Variants in UNC80 observed in about 807,000 individuals in gnomAD.
The protein encoded by UNC80 is unc-80 subunit of NALCN channel complex.
In UNC80, 164 loss-of-function variants were observed where a neutral mutation model predicts 384.6. The ratio of observed to expected loss-of-function variants is 0.43; its 90% CI spans 0.38 to 0.49. The LOEUF is 0.49. Among genes scored for constraint, UNC80 ranks in the 20% least tolerant of loss-of-function variants. UNC80 has a pLI of 0.00. For synonymous variants in UNC80, 1,486 were observed against 1,527.8 expected, an observed-to-expected ratio of 0.97 and a Z score of 0.64; for missense variants, 3,330 against 4,143.0, an observed-to-expected ratio of 0.80 and a Z score of 5.39.
chr2:209,887,731 C>T (rs2085955176), intron 25 of UNC80, among the ~76,000 whole-genome samples: 1 of 152,126 alleles, frequency 6.6e-6, no homozygotes, highest in Admixed American at 6.6e-5. Flanking sequence ...CCTTCAGTAC[C>T]TAACACATCC....
chr2:209,899,206 A>C (rs1382727308), intron 28 of UNC80, among the ~76,000 whole-genome samples: 2 of 152,110 alleles, frequency 1.3e-5, no homozygotes, highest in African/African-American at 2.4e-5. Context: ...ATGGTGTATA[A>C]AAAAAATTAT....
chr2:209,861,519 GTTTT>G (rs2083341479), intron 22 of UNC80, among the ~76,000 whole-genome samples: 1 of 152,154 alleles, frequency 6.6e-6, no homozygotes, highest in Non-Finnish European at 1.5e-5. Flanking sequence ...TCTCTTCCAG[GTTTT>G]GGTATCAGGA....
At chr2:209,884,949 G>T (rs2085641994) in intron 25 of UNC80, among the ~76,000 whole-genome samples, 1 of 151,982 alleles carries the variant, frequency 6.6e-6, no homozygotes, top group South Asian at 2.1e-4. Flanking sequence ...ATGCATGCAG[G>T]GCTCAATACT....
rs1315014250 is a variant in UNC80, at chr2:209,813,814, C to T, written c.1173C>T (p.Pro391=). The T allele has an allele frequency of 2.6e-6, 4 of 1,552,064 alleles. No homozygotes were observed. The African/African-American group carries it at 4.1e-5, about 16-fold the overall frequency. ...GTAGCTCCATGGTGGCAGCAGCTCC[C>T]TCACTAGTGAACACCCACAAAACCC... ...PRSSSMVAAA[P]SLVNTHKTQD... The change falls in exon 8 of 65, where the codon CCC becomes CCT. Residue 391 remains proline, a synonymous_variant. Coordinates refer to ENST00000673920, the MANE Select transcript of UNC80 (RefSeq NM_001371986.1).
intron 22 of UNC80, among the ~76,000 whole-genome samples, chr2:209,851,537 C>T (rs2082530155): frequency 6.6e-6 from 1 of 152,070 alleles, no homozygotes; most frequent in Admixed American, 6.6e-5. Context: ...CAGCAAATGT[C>T]TTTTGAGGGA....
At chr2:209,978,452 A>G in intron 58 of UNC80, 77 bp from the exon 59 acceptor site, 1 of 1,256,376 alleles carries the variant, frequency 8.0e-7, no homozygotes, top group Non-Finnish European at 1.1e-6. Flanking sequence ...TAAAAAATAC[A>G]AGTGGTCAGG....
chr2:209,815,144 G>T (rs2079638702), intron 8 of UNC80, 113 bp from the exon 9 acceptor site: 2 of 1,021,056 alleles, frequency 2.0e-6, no homozygotes, highest in Non-Finnish European at 2.7e-6. Context: ...AAGTTCAATT[G>T]TTCAAAGATG....
At chr2:209,782,122 T>C (rs1365154120) in intron 4 of UNC80, among the ~76,000 whole-genome samples, 1 of 152,238 alleles carries the variant, frequency 6.6e-6, no homozygotes, top group African/African-American at 2.4e-5. Flanking sequence ...GTCTCCTGGC[T>C]TGTCTCATAA....
chr2:209,883,140 T>C (rs2085449272), intron 25 of UNC80, among the ~76,000 whole-genome samples: 1 of 152,188 alleles, frequency 6.6e-6, no homozygotes, highest in Non-Finnish European at 1.5e-5. Flanking sequence ...CTAACCCTAG[T>C]TGGTAGTAAA....
At chr2:209,868,312 A>G (rs923324189) in intron 22 of UNC80, among the ~76,000 whole-genome samples, 1 of 152,220 alleles carries the variant, frequency 6.6e-6, no homozygotes, top group Non-Finnish European at 1.5e-5. Context: ...AAAAATATGT[A>G]ATTCCCTAGG....
At chr2:209,933,769 T>C in intron 38 of UNC80, 53 bp from the exon 39 acceptor site, 2 of 1,445,528 alleles carry the variant, frequency 1.4e-6, no homozygotes, top group South Asian at 1.4e-5. Flanking sequence ...GAAATGAGAA[T>C]GTGAGCTCGG....
At chr2:209,916,643 A>G (rs1315580840) in intron 31 of UNC80, among the ~76,000 whole-genome samples, 3 of 152,246 alleles carry the variant, frequency 2.0e-5, no homozygotes, top group Non-Finnish European at 2.9e-5. Context: ...CATTTGTTAT[A>G]GAACTAGATC....
In UNC80 at chr2:209,833,958, A is replaced by G. The variant is rs928986465; in HGVS notation, c.2776-44A>G. On this transcript the variant is annotated intron_variant, in intron 16 of 64. Transcript: ENST00000673920. The stretch of plus-strand genomic sequence containing the variant: ...CTACCTGGAAAAACTATTTAATCAC[A>G]CAGCTATCTTTCTTTCTCCAACTTC... The G allele has an allele frequency of 3.9e-6, 6 of 1,538,272 alleles. No homozygotes were observed. The African/African-American group carries it at 6.9e-5, about 18-fold the overall frequency.
chr2:209,871,587 C>A (rs1300348238), intron 22 of UNC80, among the ~76,000 whole-genome samples: 2 of 151,938 alleles, frequency 1.3e-5, no homozygotes, highest in Non-Finnish European at 2.9e-5. Flanking sequence ...TTATTAGTAA[C>A]CCTAAAATGA....
chr2:209,909,666 A>T (rs2124937237), intron 29 of UNC80, among the ~76,000 whole-genome samples: 1 of 152,314 alleles, frequency 6.6e-6, no homozygotes, highest in South Asian at 2.1e-4. Context: ...CACAAGTGAT[A>T]AATCCTTAGC....
At chr2:209,957,830 A>G (rs1186430984) in intron 49 of UNC80, 94 bp downstream of exon 49, 3 of 1,122,674 alleles carry the variant, frequency 2.7e-6, no homozygotes, top group African/African-American at 3.1e-5. Flanking sequence ...AACATAGTCA[A>G]TATTGAGTGT....
chr2:209,803,972 A>G (rs1464025641), intron 7 of UNC80, among the ~76,000 whole-genome samples: 1 of 152,120 alleles, frequency 6.6e-6, no homozygotes, highest in African/African-American at 2.4e-5. Flanking sequence ...CCTGGCCTCA[A>G]GTGATCCTCC....
rs1394844566 is a variant in UNC80 at position 209,872,159 on chromosome 2, T to C, written c.3628-599T>C. 6.6e-6 allele frequency among the ~76,000 whole-genome samples: 1 copy of C among 152,112 alleles called. No individual in the cohort carries two copies. ...AGCACGCTCCACCATGCCTGACTAA[T>C]TTTTTGTATTTTTAGTGGAGATGAA... On this transcript the variant is annotated intron_variant, in intron 22 of 64. Coordinates refer to ENST00000673920, the MANE Select transcript of UNC80 (RefSeq NM_001371986.1). This position sits in a 1 kb window ranked among gnomAD's most constrained non-coding sequence, Gnocchi z 4.1.
At chr2:209,798,304 T>C (rs1336929765) in intron 7 of UNC80, among the ~76,000 whole-genome samples, 2 of 152,238 alleles carry the variant, frequency 1.3e-5, no homozygotes, top group African/African-American at 2.4e-5. Flanking sequence ...GTTTTACATT[T>C]AAGTCTTTAA....
Sources: gnomAD v4.1 joint callset for allele counts (sites outside exome capture counted in the v4.1 genomes callset) on GRCh38, gnomAD v4.1.1 for gene constraint, Gnocchi (gnomAD v3.1) non-coding constraint, MANE v1.5 for transcripts, NCBI Gene and HGNC (gene_info 2026-07-23, HGNC 2026-07-21) for gene names.